TOX2: variants seen among roughly 807,000 people sequenced by gnomAD.
The protein encoded by TOX2 is TOX high mobility group box family member 2, also known as granulosa cell HMG box 1.
A neutral mutation model predicts 47.4 loss-of-function variants in TOX2; 15 were observed. The ratio of observed to expected loss-of-function variants is 0.32; its 90% CI spans 0.21 to 0.49. The LOEUF (loss-of-function observed/expected upper bound fraction) is 0.49, where lower values mean the gene tolerates loss of function less well. Ranked by LOEUF, TOX2 falls within the 20% of genes least tolerant of loss-of-function variation. TOX2 has a pLI of 0.99. For missense variants in TOX2, 622 were observed against 673.1 expected (o/e 0.92, Z 0.84); for synonymous variants, 290 against 296.6 (o/e 0.98, Z 0.23).
intron 1 of TOX2, among the ~76,000 whole-genome samples, chr20:43,919,675 C>T (rs1479454688): frequency 2.0e-5 from 3 of 152,266 alleles, no homozygotes; most frequent in Middle Eastern, 6.8e-3. Flanking sequence ...CTCCCTCCCT[C>T]CCCCCGGCAC....
At chr20:44,067,370 C>T (rs1280390962) in intron 8 of TOX2, among the ~76,000 whole-genome samples, 1 of 152,190 alleles carries the variant, frequency 6.6e-6, no homozygotes, top group African/African-American at 2.4e-5. Flanking sequence ...TGGCTCCCAC[C>T]TGGAGGTCAG....
intron 3 of TOX2, among the ~76,000 whole-genome samples, chr20:44,046,751 T>C (rs1405304801): frequency 1.3e-5 from 2 of 152,238 alleles, no homozygotes; most frequent in African/African-American, 2.4e-5. Flanking sequence ...AATAGACATA[T>C]GGAGAAATTT....
At chr20:43,966,468 G>A (rs1489169477) in intron 1 of TOX2, among the ~76,000 whole-genome samples, 1 of 152,118 alleles carries the variant, frequency 6.6e-6, no homozygotes, top group Non-Finnish European at 1.5e-5. Flanking sequence ...TGTAAGAGTG[G>A]GGGCACTTGC....
chr20:43,990,825 C>T (rs2070356355), intron 2 of TOX2, among the ~76,000 whole-genome samples: 1 of 152,088 alleles, frequency 6.6e-6, no homozygotes, highest in Admixed American at 6.5e-5. Context: ...AACTTAAGTG[C>T]CTTCATCCAC....
chr20:43,978,983 T>A (rs1272285480), intron 2 of TOX2, among the ~76,000 whole-genome samples: 5 of 152,050 alleles, frequency 3.3e-5, no homozygotes, highest in Admixed American at 6.6e-5. Context: ...AGTTAGTGGG[T>A]CTTGACAGTG....
At position 43,916,379 on chromosome 20, in the gene TOX2, G is replaced by T. The variant is rs987604673; in HGVS notation, c.99+1389G>T. Among the ~76,000 whole-genome samples, 1 of 152,254 alleles carries T rather than the reference G, an allele frequency of 6.6e-6. No homozygotes were observed. Among genetic ancestry groups the T allele is most frequent in the African/African-American group, 2.4e-5 (1 of 41,472 alleles). ...CTGAGTGCGCCCTCAGGCCCCAGGG[G>T]AGCGGCTTCTGGCAAAGCCTCCCTG... On this transcript the variant is annotated intron_variant, in intron 1 of 8. Transcript: ENST00000341197. This position sits in a 1 kb window ranked among gnomAD's most constrained non-coding sequence, Gnocchi z 5.0.
intron 5 of TOX2, among the ~76,000 whole-genome samples, chr20:44,055,899 G>A (rs548431890): frequency 2.2e-4 from 34 of 152,196 alleles, no homozygotes; most frequent in Middle Eastern, 3.4e-3. Context: ...CATCTTTACC[G>A]TATTCTAAAA....
chr20:43,998,701 G>T (rs2070520945), intron 2 of TOX2, among the ~76,000 whole-genome samples: 2 of 151,172 alleles, frequency 1.3e-5, no homozygotes, highest in African/African-American at 4.9e-5. Context: ...TTGCCACTCT[G>T]CTTTTTGTTG....
intron 1 of TOX2, among the ~76,000 whole-genome samples, chr20:43,955,543 A>G (rs2069652960): frequency 6.6e-6 from 1 of 152,200 alleles, no homozygotes. Context: ...GAAGAAAGAA[A>G]TCAGAAGGAA....
chr20:44,012,667 G>A (rs1371734393), intron 3 of TOX2, among the ~76,000 whole-genome samples: 2 of 152,144 alleles, frequency 1.3e-5, no homozygotes, highest in African/African-American at 4.8e-5. Context: ...TCTATGAAAT[G>A]GGGATTGGGA....
In TOX2 at chr20:44,054,330, C is replaced by T. The variant is rs1427248282; in HGVS notation, c.683C>T (p.Pro228Leu). 1.2e-6 allele frequency: 2 copies of T among 1,611,806 alleles called. No individual in the cohort carries two copies. The highest frequency in any genetic ancestry group is 1.7e-6 in the Non-Finnish European group (2 of 1,179,150). Residue 228 changes from proline (P) to leucine (L), a missense_variant, in exon 5 of 9, where the codon CCA (proline) becomes CTA (leucine). Physicochemically the swap from Pro to Leu is moderately conservative, Grantham distance 98. Transcript: ENST00000341197. ...ISGEKRPSADPGKKAKNPKKK... is the reference protein window; with the variant it reads ...ISGEKRPSADLGKKAKNPKKK... ...GGAGAAAAGAGACCTTCAGCCGACC[C>T]AGGAAAAAAGGCCAAGAACCCGAAG...
chr20:43,929,898 C>T (rs1441644427), intron 1 of TOX2, among the ~76,000 whole-genome samples: 1 of 151,912 alleles, frequency 6.6e-6, no homozygotes, highest in African/African-American at 2.4e-5. Context: ...TTAGTAGAGA[C>T]GGGGTTTCAC....
intron 2 of TOX2, among the ~76,000 whole-genome samples, chr20:43,995,391 T>A (rs1268237918): frequency 6.6e-6 from 1 of 152,190 alleles, no homozygotes; most frequent in African/African-American, 2.4e-5. Context: ...TGATAAGAAG[T>A]TACAGTGCTA....
intron 3 of TOX2, among the ~76,000 whole-genome samples, chr20:44,031,458 T>A (rs2071150792): frequency 3.3e-5 from 5 of 152,110 alleles, no homozygotes. Flanking sequence ...GCTCATTCCA[T>A]CTGTTTGTCC....
At chr20:44,000,023 T>C (rs1258221911) in intron 2 of TOX2, among the ~76,000 whole-genome samples, 1 of 152,202 alleles carries the variant, frequency 6.6e-6, no homozygotes, top group East Asian at 1.9e-4. Flanking sequence ...GGAACAGCCA[T>C]TGCAAAGACT....
intron 2 of TOX2, among the ~76,000 whole-genome samples, chr20:43,986,504 A>G (rs1010968971): frequency 6.6e-6 from 1 of 151,696 alleles, no homozygotes; most frequent in Non-Finnish European, 1.5e-5. Flanking sequence ...CTGGTCTCGA[A>G]CTCCTGACCT....
chr20:43,982,220 T>C (rs2070181264), intron 2 of TOX2, among the ~76,000 whole-genome samples: 2 of 151,146 alleles, frequency 1.3e-5, no homozygotes, highest in African/African-American at 4.9e-5. Flanking sequence ...TCTCAGAGAG[T>C]TGGTGGGCCA....
intron 1 of TOX2, among the ~76,000 whole-genome samples, chr20:43,965,667 T>C (rs1196481718): frequency 6.6e-6 from 1 of 152,220 alleles, no homozygotes; most frequent in African/African-American, 2.4e-5. Flanking sequence ...GCACGAGATA[T>C]GTGCCTGGTA....
At chr20:44,001,837 C>T (rs1402533390) in intron 2 of TOX2, among the ~76,000 whole-genome samples, 1 of 152,170 alleles carries the variant, frequency 6.6e-6, no homozygotes, top group Non-Finnish European at 1.5e-5. Flanking sequence ...GGGACATTCC[C>T]CCATTTCCCG....
Sources: allele counts gnomAD v4.1 joint callset (sites outside exome capture counted in the v4.1 genomes callset), GRCh38; gene constraint gnomAD v4.1.1; non-coding constraint Gnocchi (gnomAD v3.1); transcripts MANE v1.5; gene names NCBI Gene and HGNC (gene_info 2026-07-23, HGNC 2026-07-21).